Variants in TPH1 observed in about 807,000 individuals in gnomAD.
The protein encoded by TPH1 is tryptophan hydroxylase 1.
A neutral mutation model predicts 49.5 loss-of-function variants in TPH1; 37 were observed. That is an observed-to-expected ratio of 0.75 (90% CI 0.58 to 0.98). TPH1 has a LOEUF of 0.98. Ranked by LOEUF, TPH1 falls within the 50% of genes least tolerant of loss-of-function variation. TPH1 has a pLI of 0.00. For missense variants in TPH1, 487 were observed against 523.6 expected, an observed-to-expected ratio of 0.93 and a Z score of 0.68; for synonymous variants, 160 against 182.1, an observed-to-expected ratio of 0.88 and a Z score of 0.98.
intron 2 of TPH1, among the ~76,000 whole-genome samples, chr11:18,039,410 A>G (rs1410289891): frequency 6.6e-6 from 1 of 152,230 alleles, no homozygotes; most frequent in East Asian, 1.9e-4. Context: ...TAACTGACAG[A>G]GCAAGGATAT....
At position 18,020,680 on chromosome 11, in the gene TPH1, A is replaced by G; in HGVS notation, c.*311T>C. On this transcript the variant is annotated 3_prime_UTR_variant, in exon 11 of 11. Transcript: ENST00000682019. ...TTGGGGAAAATAGAGTTAGGCTGAG[A>G]TTAGATCTATCTATTGGGTCAAACA... The G allele has an allele frequency of 3.0e-6, 1 of 328,350 alleles. No homozygotes were observed. The highest frequency in any genetic ancestry group is 5.8e-6 in the Non-Finnish European group (1 of 171,886). The allele number at this position is 328,350 out of a possible 1,614,324, so 20.3% of individuals were successfully genotyped here.
chr11:18,021,802 G>A (rs909641226), intron 10 of TPH1, among the ~76,000 whole-genome samples: 3 of 151,978 alleles, frequency 2.0e-5, no homozygotes, highest in Admixed American at 6.6e-5. Flanking sequence ...TCAAATCACT[G>A]TTTGAACCTC....
rs1854340434 is a variant in TPH1, at chr11:18,020,080, T to C, written c.*911A>G. On this transcript the variant is annotated 3_prime_UTR_variant, in exon 11 of 11. Transcript: ENST00000682019. ...TCTATCTCAGTTTGAACTCTTCCTT[T>C]GATAACAATGCTTCCTGTTAATCTG... is the stretch of plus-strand genomic sequence containing the variant. 3 of 215,522 alleles carry C rather than the reference T, an allele frequency of 1.4e-5. No homozygotes were observed. Among genetic ancestry groups the C allele is most frequent in the Non-Finnish European group, 2.8e-5 (3 of 107,418 alleles). The allele number at this position is 215,522 out of a possible 1,614,324, so 13.4% of individuals were successfully genotyped here.
chr11:18,024,571 C>T (rs1266149036), intron 8 of TPH1, among the ~76,000 whole-genome samples: 1 of 152,030 alleles, frequency 6.6e-6, no homozygotes, highest in African/African-American at 2.4e-5. Flanking sequence ...TGGATATTCT[C>T]CTTTTACTCT....
intron 7 of TPH1, 25 bp downstream of exon 7, chr11:18,026,465 T>C: frequency 6.3e-7 from 1 of 1,599,994 alleles, no homozygotes; most frequent in East Asian, 2.2e-5. Context: ...TTTGATGAAT[T>C]CCTGGCTGAA....
rs1799913 is a variant in TPH1 at position 18,025,708 on chromosome 11, G to T, written c.804-7C>A. The T allele has an allele frequency of 0.39, 623,458 of 1,613,054 alleles. 123,521 individuals are homozygous for T. The highest frequency in any genetic ancestry group is 0.48 in the East Asian group (21,611 of 44,860). ...GAGTTCATGGCAGGTATCTCTGAAA[G>T]AGAGGTACAAGTTTGTCACGCTGCA... On this transcript the variant is annotated splice_region_variant and splice_polypyrimidine_tract_variant and intron_variant, in intron 7 of 10. Transcript: ENST00000682019.
chr11:18,018,858 C>T lies in TPH1; in HGVS notation c.*2133G>A, dbSNP rs521318. 0.92 allele frequency: 139,503 copies of T among 152,036 alleles called. 65,135 individuals carry two copies. The highest frequency in any genetic ancestry group is 1 in the East Asian group (5,182 of 5,182). The allele number at this position is 152,036 out of a possible 1,614,324, so 9.4% of individuals were successfully genotyped here. The stretch of plus-strand genomic sequence containing the variant: ...TATCAAAGTTGTATGAAAATAACCA[C>T]ATATAGTATGCATAATTTGTGTTAT... On this transcript the variant is annotated 3_prime_UTR_variant, in exon 11 of 11. Coordinates refer to ENST00000682019, the MANE Select transcript of TPH1 (RefSeq NM_004179.3).
intron 3 of TPH1, among the ~76,000 whole-genome samples, 168 bp downstream of exon 3, chr11:18,035,791 T>G (rs1266537671): frequency 1.3e-5 from 2 of 152,240 alleles, no homozygotes; most frequent in African/African-American, 4.8e-5. Context: ...CTTTATAATT[T>G]TTCTTTGGTA....
Position 18,036,019 on chromosome 11 carries a change from T to G in TPH1, c.241A>C (p.Lys81Gln). 2 of 1,612,810 alleles carry G rather than the reference T, an allele frequency of 1.2e-6. No individual in the cohort carries two copies. The highest frequency in any genetic ancestry group is 8.5e-7 in the Non-Finnish European group (1 of 1,179,884). The change falls in exon 3 of 11, where the codon AAG becomes CAG. Residue 81 changes from lysine to glutamine, a missense_variant. Coordinates refer to ENST00000682019, the MANE Select transcript of TPH1 (RefSeq NM_004179.3). ...EQLNDIFHLLKSHTNVLSVNL... is the reference protein window; with the variant it reads ...EQLNDIFHLLQSHTNVLSVNL... ...ACAGAGAGAACATTGGTATGAGACTTCAGCAGATGAAAAATATCATTCAAT... is the reference window on the plus strand; with the variant it reads ...ACAGAGAGAACATTGGTATGAGACTGCAGCAGATGAAAAATATCATTCAAT...
chr11:18,028,565 T>C (rs1045346340), intron 6 of TPH1, among the ~76,000 whole-genome samples: 1 of 152,132 alleles, frequency 6.6e-6, no homozygotes, highest in African/African-American at 2.4e-5. Flanking sequence ...AGCCCCTAAA[T>C]CTCTAGGTTA....
At chr11:18,032,537 CTTTTTTTTTTTT>C (rs34366393) in intron 4 of TPH1, among the ~76,000 whole-genome samples, 2 of 86,304 alleles carry the variant, frequency 2.3e-5, no homozygotes, top group African/African-American at 5.4e-5. Flanking sequence ...TTGTTGAAAT[CTTTTTTTTTTTT>C]TTTTTTTTTT....
At chr11:18,032,320 C>T (rs190170258) in intron 4 of TPH1, among the ~76,000 whole-genome samples, 94 of 152,174 alleles carry the variant, frequency 6.2e-4, no homozygotes, top group African/African-American at 2.1e-3. Context: ...CTTTCTCTGG[C>T]CCACTTTTAT....
At chr11:18,041,517 A>G (rs1049646453) in intron 1 of TPH1, among the ~76,000 whole-genome samples, 2 of 152,260 alleles carry the variant, frequency 1.3e-5, no homozygotes, top group Non-Finnish European at 2.9e-5. Context: ...CTAAGTTACC[A>G]AACAGCTACC....
rs755854381 is a variant in TPH1, at chr11:18,040,678, C to T, written c.85G>A (p.Gly29Arg). 2.5e-6 allele frequency: 4 copies of T among 1,612,262 alleles called. No homozygotes were observed. The highest frequency in any genetic ancestry group is 3.4e-6 in the Non-Finnish European group (4 of 1,179,264). Residue 29 changes from glycine to arginine, a missense_variant, in exon 2 of 11, where the codon GGA becomes AGA. Transcript: ENST00000682019. ...SLIFSLKNEV[G>R]GLIKALKIFQ... is the part of the protein sequence containing the mutation. ...ATTTTCAGGGCTTTTATAAGTCCTC[C>T]AACTTCATTCTTTAAGGAAAAAATG...
chr11:18,040,052 C>T (rs1373671930), intron 2 of TPH1, among the ~76,000 whole-genome samples: 1 of 150,634 alleles, frequency 6.6e-6, no homozygotes, highest in Non-Finnish European at 1.5e-5. Flanking sequence ...TATACTATGA[C>T]TATATCATTA....
Position 18,040,663 on chromosome 11 carries a change from C to T in TPH1, c.100G>A (p.Ala34Thr). ...LKNEVGGLIKALKIFQEKHVN... is the reference protein window; with the variant it reads ...LKNEVGGLIKTLKIFQEKHVN... The stretch of plus-strand genomic sequence containing the variant: ...ATGCTTACCTGAAAGATTTTCAGGG[C>T]TTTTATAAGTCCTCCAACTTCATTC... The change falls in exon 2 of 11, where the codon GCC (alanine) becomes ACC (threonine). Residue 34 changes from alanine to threonine, a missense_variant. Ala to Thr is a moderately conservative substitution (Grantham distance 58). Transcript: ENST00000682019. 6.2e-7 allele frequency: 1 copy of T among 1,611,672 alleles called. No individual in the cohort carries two copies. Among genetic ancestry groups the T allele is most frequent in the African/African-American group, 1.3e-5 (1 of 74,952 alleles).
intron 2 of TPH1, among the ~76,000 whole-genome samples, chr11:18,036,778 G>GT (rs748169949): frequency 1.3e-5 from 2 of 152,128 alleles, no homozygotes; most frequent in African/African-American, 4.8e-5. Flanking sequence ...TCACCCTATA[G>GT]TTTTTTCATC....
At chr11:18,025,461 A>G in intron 8 of TPH1, 114 bp downstream of exon 8, 2 of 1,456,802 alleles carry the variant, frequency 1.4e-6, no homozygotes, top group Non-Finnish European at 1.9e-6. Context: ...GCTCACTGCA[A>G]CCTCCAAGCA....
At position 18,017,906 on chromosome 11, in the gene TPH1, G is replaced by A. The variant is rs1465370242; in HGVS notation, c.*3085C>T. ...AAGAAGTCATGAAGATATTAACTAT[G>A]TCTTTGAATAATGATTTACTGATTA... On this transcript the variant is annotated 3_prime_UTR_variant, in exon 11 of 11. Transcript: ENST00000682019. 6.6e-6 allele frequency: 1 copy of A among 152,176 alleles called. No homozygotes were observed. 9.4% of individuals were successfully genotyped at this position (152,176 alleles called of 1,614,324 possible).
Sources: gnomAD v4.1 joint callset for allele counts (sites outside exome capture counted in the v4.1 genomes callset) on GRCh38, gnomAD v4.1.1 for gene constraint, MANE v1.5 for transcripts, NCBI Gene and HGNC (gene_info 2026-07-23, HGNC 2026-07-21) for gene names.